The following VEPH1 variants were observed in gnomAD, a reference collection of about 807,000 sequenced individuals.
The protein encoded by VEPH1 is ventricular zone-expressed PH domain-containing protein homolog 1.
Under a neutral mutation model 85.2 loss-of-function variants are expected in VEPH1, and 80 were observed. That is an observed-to-expected ratio of 0.94 (90% CI 0.78 to 1.13). The LOEUF (loss-of-function observed/expected upper bound fraction) is 1.13, where lower values mean the gene tolerates loss of function less well. VEPH1 is among the 50% of genes most tolerant of loss of function. The pLI is 0.00. For missense variants in VEPH1, 955 were observed against 980.5 expected, an observed-to-expected ratio of 0.97 and a Z score of 0.35; for synonymous variants, 297 against 348.0, an observed-to-expected ratio of 0.85 and a Z score of 1.63.
intron 4 of VEPH1, chr3:157,438,063 A>C: frequency 5.4e-6 from 4 of 746,188 alleles, no homozygotes; most frequent in Non-Finnish European, 8.4e-6. Flanking sequence ...ACACACACAC[A>C]CACACACACC....
chr3:157,473,991 A>C (rs1737217387), intron 2 of VEPH1, among the ~76,000 whole-genome samples: 1 of 152,168 alleles, frequency 6.6e-6, no homozygotes, highest in Admixed American at 6.5e-5. Context: ...ATCTTGGGAA[A>C]TAATTTTTTA....
In VEPH1 at chr3:157,417,167, A is replaced by G. The variant is rs12634400; in HGVS notation, c.697-3077T>C. ...GAAATTTATCCACACATGAGAAACA[A>G]GTCTGCTTTGGGCTTTAGATAGATT... is the stretch of plus-strand genomic sequence containing the variant. On this transcript the variant is annotated intron_variant, in intron 5 of 13. Coordinates refer to ENST00000362010, the MANE Select transcript of VEPH1 (RefSeq NM_001167912.2). Among the ~76,000 whole-genome samples the G allele has an allele frequency of 2.6e-5, 4 of 152,320 alleles. No individual in the cohort carries two copies. In the East Asian group the frequency reaches 7.7e-4, roughly 29 times the overall value.
At chr3:157,494,602 G>T (rs1739500781) in intron 2 of VEPH1, among the ~76,000 whole-genome samples, 1 of 152,164 alleles carries the variant, frequency 6.6e-6, no homozygotes, top group South Asian at 2.1e-4. Flanking sequence ...ATAATGGGTG[G>T]GTGGAATTAA....
intron 4 of VEPH1, among the ~76,000 whole-genome samples, chr3:157,446,016 T>G (rs1242703812): frequency 2.0e-5 from 3 of 152,144 alleles, no homozygotes; most frequent in African/African-American, 7.2e-5. Flanking sequence ...TGAGATAAAA[T>G]ATCTAAAGAG....
At chr3:157,362,607 G>A (rs1213581574) in intron 9 of VEPH1, among the ~76,000 whole-genome samples, 1 of 152,064 alleles carries the variant, frequency 6.6e-6, no homozygotes, top group Admixed American at 6.6e-5. Flanking sequence ...CATACTTTGA[G>A]TTCCTATACA....
chr3:157,396,137 A>G (rs1730358325), intron 6 of VEPH1, among the ~76,000 whole-genome samples: 1 of 151,994 alleles, frequency 6.6e-6, no homozygotes, highest in African/African-American at 2.4e-5. Flanking sequence ...CCCTGTGTCC[A>G]TGTGTTCTCA....
intron 6 of VEPH1, among the ~76,000 whole-genome samples, chr3:157,386,077 A>G (rs889466750): frequency 1.3e-5 from 2 of 152,120 alleles, no homozygotes. Context: ...CCAAAACTCC[A>G]ATTTTCATTT....
At position 157,398,005 on chromosome 3, in the gene VEPH1, C is replaced by T. The variant is rs541386797; in HGVS notation, c.906+15876G>A. 7.9e-5 allele frequency among the ~76,000 whole-genome samples: 12 copies of T among 152,250 alleles called. No homozygotes were observed. In the South Asian group the frequency reaches 1.2e-3, roughly 16 times the overall value. ...CAGAGCCATTTGTAAACCATGCCCT[C>T]GTCTCTTCCTCTGTCAACCAATCAC... is the stretch of plus-strand genomic sequence containing the variant. On this transcript the variant is annotated intron_variant, in intron 6 of 13. Transcript: ENST00000362010.
At chr3:157,315,833 A>G (rs1720694507) in intron 10 of VEPH1, 1 of 152,046 alleles carries the variant, frequency 6.6e-6, no homozygotes, top group Admixed American at 6.5e-5. Flanking sequence ...TGTTTAGAAC[A>G]AAGCCAAAGA....
At chr3:157,274,546 G>A (rs1715133473) in intron 12 of VEPH1, among the ~76,000 whole-genome samples, 2 of 152,146 alleles carry the variant, frequency 1.3e-5, no homozygotes, top group African/African-American at 4.8e-5. Context: ...TGCTCAGGCT[G>A]GAATACAGTG....
Position 157,460,283 on chromosome 3 carries a change from C to T in VEPH1, c.427G>A (p.Glu143Lys). 2 of 1,614,110 alleles carry T rather than the reference C, an allele frequency of 1.2e-6. No individual in the cohort carries two copies. The highest frequency in any genetic ancestry group is 1.7e-6 in the Non-Finnish European group (2 of 1,180,024). ...AVKFLHRGNKELCRNMSNYLS... is the reference protein window; with the variant it reads ...AVKFLHRGNKKLCRNMSNYLS... ...TAGTTAGACATATTCCTGCACAGTT[C>T]CTTGTTGCCTCTGTGGAGGAATTTC... The change falls in exon 4 of 14, where the codon GAA becomes AAA. Residue 143 changes from glutamate (E) to lysine (K), a missense_variant. Physicochemically the swap from Glu to Lys is moderately conservative, Grantham distance 56. Transcript: ENST00000362010.
In VEPH1 at chr3:157,455,192, C is replaced by G. The variant is rs144654413; in HGVS notation, c.529+4989G>C. On this transcript the variant is annotated intron_variant, in intron 4 of 13. Transcript: ENST00000362010. ...CAAACTGCTTTCCACAGTGGCTGAA[C>G]TGATGGGCATTCCCACAAATAGTGT... Among the ~76,000 whole-genome samples, 352 of 152,308 alleles carry G rather than the reference C, an allele frequency of 2.3e-3. 2 individuals are homozygous for G. Among genetic ancestry groups the G allele is most frequent in the Admixed American group, 0.02 (301 of 15,298 alleles).
intron 6 of VEPH1, among the ~76,000 whole-genome samples, chr3:157,388,589 T>G (rs1055579523): frequency 2.6e-5 from 4 of 152,108 alleles, no homozygotes; most frequent in Non-Finnish European, 4.4e-5. Flanking sequence ...ATATTGCAGG[T>G]GAATATGATG....
At chr3:157,451,320 C>A (rs1204977577) in intron 4 of VEPH1, among the ~76,000 whole-genome samples, 22 of 152,202 alleles carry the variant, frequency 1.4e-4, no homozygotes, top group Non-Finnish European at 5.9e-5. Flanking sequence ...AAGTATGAAT[C>A]AAGATAACAT....
chr3:157,389,457 C>T (rs1305303790), intron 6 of VEPH1, among the ~76,000 whole-genome samples: 3 of 152,208 alleles, frequency 2.0e-5, no homozygotes, highest in African/African-American at 7.2e-5. Context: ...TGTTCAACCT[C>T]AGCTGGGGAC....
chr3:157,404,400 A>G (rs1731005578), intron 6 of VEPH1, among the ~76,000 whole-genome samples: 1 of 152,220 alleles, frequency 6.6e-6, no homozygotes, highest in Non-Finnish European at 1.5e-5. Context: ...GTATGTTCTC[A>G]AATATTCACA....
At chr3:157,492,271 T>C (rs1404505391) in intron 2 of VEPH1, among the ~76,000 whole-genome samples, 3 of 152,180 alleles carry the variant, frequency 2.0e-5, no homozygotes, top group Non-Finnish European at 4.4e-5. Context: ...TAAACAGACT[T>C]GAGAACAGCA....
Position 157,313,693 on chromosome 3 carries a change from C to T in VEPH1, c.1938G>A (p.Trp646Ter). The change falls in exon 11 of 14, where the codon TGG becomes TGA. Residue 646 changes from tryptophan (W) to a stop codon, truncating the protein, a stop_gained. Transcript: ENST00000362010. LOFTEE classifies it high-confidence loss of function. The stretch of plus-strand genomic sequence containing the variant: ...GAGCACCCCCTGCCTGGGTCTTCTC[C>T]CACAGAGCTCTGAGGAATTGCACAG... ...SHSVQFLRAL[W>*]EKTQAGGAHS... 8 of 1,614,062 alleles carry T rather than the reference C, an allele frequency of 5.0e-6. No homozygotes were observed. The highest frequency in any genetic ancestry group is 6.8e-6 in the Non-Finnish European group (8 of 1,180,000).
intron 6 of VEPH1, among the ~76,000 whole-genome samples, chr3:157,391,993 A>G (rs1729903323): frequency 6.6e-6 from 1 of 152,224 alleles, no homozygotes; most frequent in African/African-American, 2.4e-5. Context: ...AAGCTTCATA[A>G]ATGAAGGAGA....
Sources: allele counts gnomAD v4.1 joint callset (sites outside exome capture counted in the v4.1 genomes callset), GRCh38; gene constraint gnomAD v4.1.1; transcripts MANE v1.5; gene names NCBI Gene and HGNC (gene_info 2026-07-23, HGNC 2026-07-21).